Variants in TUSC3 observed in about 807,000 individuals in gnomAD.
TUSC3 encodes the protein dolichyl-diphosphooligosaccharide--protein glycosyltransferase subunit TUSC3.
TUSC3 carries 45 observed loss-of-function variants against 44.8 expected under a neutral mutation model. That is an observed-to-expected ratio of 1.00 (90% CI 0.79 to 1.29). The LOEUF (loss-of-function observed/expected upper bound fraction) is 1.29. Among genes scored for constraint, TUSC3 ranks in the 50% most tolerant of loss-of-function variants. TUSC3 has a pLI of 0.00. For missense variants in TUSC3, 519 were observed against 437.9 expected, an observed-to-expected ratio of 1.19 and a Z score of -1.65; for synonymous variants, 212 against 152.9, an observed-to-expected ratio of 1.39 and a Z score of -2.85.
At chr8:15,617,138 A>ATT (rs71211064) in intron 1 of TUSC3, among the ~76,000 whole-genome samples, 5,874 of 88,778 alleles carry the variant, frequency 0.066, 205 homozygotes, top group Non-Finnish European at 0.093. Context: ...GTGTGTATAT[A>ATT]TTTTTTTTTT....
intron 9 of TUSC3, among the ~76,000 whole-genome samples, chr8:15,752,760 G>C (rs754784006): frequency 6.6e-6 from 1 of 152,026 alleles, no homozygotes; most frequent in East Asian, 1.9e-4. Context: ...CAGAATCAAA[G>C]TTGAAAATAA....
At chr8:15,762,902 C>CGTT (rs1812214560) in intron 10 of TUSC3, among the ~76,000 whole-genome samples, 2 of 24,696 alleles carry the variant, frequency 8.1e-5, no homozygotes, top group Non-Finnish European at 1.7e-4. Flanking sequence ...TTACTGCTGA[C>CGTT]ATTCTTCATG....
intron 1 of TUSC3, among the ~76,000 whole-genome samples, chr8:15,481,111 G>T (rs900705632): frequency 7.9e-5 from 12 of 152,012 alleles, no homozygotes; most frequent in Admixed American, 7.2e-4. Flanking sequence ...ATCCCAGTGT[G>T]GTGGTGCATG....
At chr8:15,678,989 CTTTA>C (rs891009783) in intron 6 of TUSC3, among the ~76,000 whole-genome samples, 1 of 152,094 alleles carries the variant, frequency 6.6e-6, no homozygotes, top group African/African-American at 2.4e-5. Flanking sequence ...ACCGTATTTT[CTTTA>C]TTTAATTCAC....
chr8:15,818,200 G>A, the TUSC3 span, among the ~76,000 whole-genome samples: 13 of 152,222 alleles, frequency 8.5e-5, no homozygotes, highest in East Asian at 5.8e-4. Flanking sequence ...ATTCTCAGTC[G>A]TTACATTAAG....
rs79445887 is a variant in TUSC3, at chr8:15,607,293, A to G, written c.139-15787A>G. The stretch of plus-strand genomic sequence containing the variant: ...AGGCACCGGCCTGGTCACTGGGCAT[A>G]CAGTGATGGTAGAGACAGTTCTAGG... On this transcript the variant is annotated intron_variant, in intron 1 of 10. Transcript: ENST00000503731. Among the ~76,000 whole-genome samples the G allele has an allele frequency of 5.0e-3, 766 of 152,234 alleles. 17 individuals are homozygous for G. In the East Asian group the frequency reaches 0.075, roughly 15 times the overall value.
At chr8:15,475,252 A>G (rs1371333261) in intron 1 of TUSC3, among the ~76,000 whole-genome samples, 4 of 152,148 alleles carry the variant, frequency 2.6e-5, no homozygotes, top group Non-Finnish European at 4.4e-5. Context: ...ACATAGAGAA[A>G]CTTGCCTGAA....
At chr8:15,698,532 C>T (rs575336982) in intron 6 of TUSC3, among the ~76,000 whole-genome samples, 4 of 152,188 alleles carry the variant, frequency 2.6e-5, no homozygotes, top group Admixed American at 6.5e-5. Context: ...TGCCTCAAAC[C>T]TCATTTATGG....
chr8:15,809,849 C>A, the TUSC3 span, among the ~76,000 whole-genome samples: 1 of 152,156 alleles, frequency 6.6e-6, no homozygotes, highest in Non-Finnish European at 1.5e-5. Flanking sequence ...CTTCTCCTTG[C>A]CTTAAGGAAA....
In TUSC3 at chr8:15,485,464, C is replaced by CTTTT. The variant is rs11372919; in HGVS notation, n.189+1989_189+1992dup. On this transcript the variant is annotated intron_variant and non_coding_transcript_variant, in intron 2 of 5. Coordinates refer to the TUSC3 transcript ENST00000503191. Reference sequence around the variant, plus strand: ...AAGCAATGTCATTATACTCTGTTGTCTTTTTTTTTTTGTTTTTTGTGACAC... The same window carrying CTTTT: ...AAGCAATGTCATTATACTCTGTTGTCTTTTTTTTTTTTTTTGTTTTTTGTGACAC... 7.9e-3 allele frequency among the ~76,000 whole-genome samples: 1,064 copies of CTTTT among 135,178 alleles called. 24 individuals are homozygous for CTTTT. The highest frequency in any genetic ancestry group is 0.035 in the East Asian group (157 of 4,424). 88.7% of individuals were successfully genotyped at this position (135,178 alleles called of 152,430 possible). A position where few individuals can be genotyped will look rare whatever the true frequency, so the allele number is the denominator to read the frequency against.
the TUSC3 span, among the ~76,000 whole-genome samples, chr8:15,791,976 C>G: frequency 2.1e-4 from 32 of 152,140 alleles, no homozygotes; most frequent in East Asian, 6.2e-3. Flanking sequence ...TTTAAAGGAG[C>G]GTTCAAGACA....
the TUSC3 span, among the ~76,000 whole-genome samples, chr8:15,789,701 A>G: frequency 6.6e-6 from 1 of 152,234 alleles, no homozygotes; most frequent in Non-Finnish European, 1.5e-5. Flanking sequence ...TAAAAGATGT[A>G]TGAAACATTT....
intron 10 of TUSC3, chr8:15,758,131 C>G: frequency 1.0e-5 from 12 of 1,158,402 alleles, no homozygotes; most frequent in Non-Finnish European, 1.3e-5. Context: ...ACTTTCTTAA[C>G]TTCTGTTTGT....
At chr8:15,434,774 G>A (rs1411460773) in intron 1 of TUSC3, among the ~76,000 whole-genome samples, 1 of 151,890 alleles carries the variant, frequency 6.6e-6, no homozygotes, top group East Asian at 1.9e-4. Flanking sequence ...CTGTGAGTGA[G>A]AACATGTGGT....
intron 2 of TUSC3, among the ~76,000 whole-genome samples, chr8:15,486,849 T>C (rs1800738846): frequency 6.6e-6 from 1 of 152,238 alleles, no homozygotes; most frequent in Non-Finnish European, 1.5e-5. Context: ...TGCAAATATA[T>C]CTTTAGGTCC....
intron 3 of TUSC3, among the ~76,000 whole-genome samples, chr8:15,653,929 G>A (rs1807032288): frequency 6.6e-6 from 1 of 152,078 alleles, no homozygotes; most frequent in Non-Finnish European, 1.5e-5. Context: ...ACTCACTGGG[G>A]AAGTAACTTC....
chr8:15,851,055 G>A, the TUSC3 span, among the ~76,000 whole-genome samples: 33 of 152,164 alleles, frequency 2.2e-4, no homozygotes, highest in Non-Finnish European at 4.1e-4. Context: ...CAGGTGTAAC[G>A]TGTCTAAGTC....
chr8:15,481,351 T>G (rs893626390), intron 1 of TUSC3, among the ~76,000 whole-genome samples: 3 of 152,008 alleles, frequency 2.0e-5, no homozygotes, highest in African/African-American at 4.8e-5. Flanking sequence ...GGTGGATTCA[T>G]TATTGAGGTA....
the TUSC3 span, among the ~76,000 whole-genome samples, chr8:15,773,370 G>C: frequency 6.6e-6 from 1 of 151,874 alleles, no homozygotes; most frequent in Admixed American, 6.6e-5. Flanking sequence ...ATTTATAATA[G>C]AACCAAATAA....
Sources: gnomAD v4.1 joint callset for allele counts (sites outside exome capture counted in the v4.1 genomes callset) on GRCh38, gnomAD v4.1.1 for gene constraint, MANE v1.5 for transcripts, NCBI Gene and HGNC (gene_info 2026-07-23, HGNC 2026-07-21) for gene names.